The following CACNA1S variants were observed in gnomAD, a reference collection of about 807,000 sequenced individuals.
The protein encoded by CACNA1S is voltage-dependent L-type calcium channel subunit alpha-1S.
A neutral mutation model predicts 207.4 loss-of-function variants in CACNA1S; 126 were observed. The ratio of observed to expected loss-of-function variants is 0.61; its 90% CI spans 0.53 to 0.70. The LOEUF (loss-of-function observed/expected upper bound fraction) is 0.70, where lower values mean the gene tolerates loss of function less well. Ranked by LOEUF, CACNA1S falls within the 30% of genes least tolerant of loss-of-function variation. CACNA1S has a pLI of 0.00. For missense variants in CACNA1S, 2,349 were observed against 2,422.8 expected (o/e 0.97, Z 0.64); for synonymous variants, 960 against 932.7 (o/e 1.03, Z -0.53).
At chr1:201,094,677 C>A (rs971936426) in intron 2 of CACNA1S, among the ~76,000 whole-genome samples, 2 of 152,094 alleles carry the variant, frequency 1.3e-5, no homozygotes, top group East Asian at 3.9e-4. Flanking sequence ...CCTGCCCGTC[C>A]CACCTGCCCT....
In CACNA1S at chr1:201,066,497, CCCCTGCTATCTGGA is replaced by C. The variant is rs1343651400; in HGVS notation, c.2658-195_2658-182del. 2.0e-5 allele frequency among the ~76,000 whole-genome samples: 3 copies of C among 152,182 alleles called. No homozygotes were observed. The highest frequency in any genetic ancestry group is 4.4e-5 in the Non-Finnish European group (3 of 68,032). ...TGTGCCCGACTCCAGGGCACAGCCACCCCTGCTATCTGGACCATGCTCTCATGGGTGTGTCATGA... is the reference window on the plus strand; with the variant it reads ...TGTGCCCGACTCCAGGGCACAGCCACCCATGCTCTCATGGGTGTGTCATGA... On this transcript the variant is annotated intron_variant, in intron 20 of 43. Transcript: ENST00000362061. The surrounding 1 kb of genome is among the most constrained non-coding windows in gnomAD (Gnocchi z 4.3).
chr1:201,068,160 G>A (rs948164719), intron 19 of CACNA1S, among the ~76,000 whole-genome samples: 3 of 151,196 alleles, frequency 2.0e-5, no homozygotes, highest in African/African-American at 7.3e-5. Flanking sequence ...GACTCTTGGA[G>A]GAAAAGGCCT....
Position 201,065,953 on chromosome 1 carries a change from C to T in CACNA1S, c.2746-8G>A, listed in dbSNP as rs1572039133. 1 of 1,595,322 alleles carries T rather than the reference C, an allele frequency of 6.3e-7. No individual in the cohort carries two copies. On this transcript the variant is annotated splice_region_variant and splice_polypyrimidine_tract_variant and intron_variant, in intron 21 of 43. Coordinates refer to ENST00000362061, the MANE Select transcript of CACNA1S (RefSeq NM_000069.3). ...CATGCACTGCACCACGTGCTGGGGA[C>T]AGAGGGGCCAATGGGGACTGGGGGT...
chr1:201,094,325 A>T (rs893412611), intron 2 of CACNA1S, among the ~76,000 whole-genome samples: 2 of 152,154 alleles, frequency 1.3e-5, no homozygotes, highest in Non-Finnish European at 2.9e-5. Flanking sequence ...TGGTCTTCTT[A>T]GCACTTATCC....
chr1:201,061,143 T>TTGGCATCAAA (rs1400605707), intron 25 of CACNA1S, 124 bp downstream of exon 25: 2 of 834,882 alleles, frequency 2.4e-6, no homozygotes, highest in Non-Finnish European at 4.0e-6. Context: ...AGGCTAGGGC[T>TTGGCATCAAA]TGGCATCAAA....
At chr1:201,052,392 C>T (rs190134977) in intron 32 of CACNA1S, among the ~76,000 whole-genome samples, 165 bp downstream of exon 32, 4 of 152,244 alleles carry the variant, frequency 2.6e-5, no homozygotes, top group South Asian at 2.1e-4. Context: ...AAGGCAGTGA[C>T]GGCAGAGCAT....
In CACNA1S at chr1:201,054,946, T is replaced by A. The variant is rs1362964781; in HGVS notation, c.3610-385A>T. On this transcript the variant is annotated intron_variant, in intron 28 of 43. Transcript: ENST00000362061. ...CGCATTGGAAGATGCCTGCTCATTG[T>A]AAATGGATTCACATCCATAGTGCCC... Among the ~76,000 whole-genome samples the A allele has an allele frequency of 2.0e-5, 3 of 152,302 alleles. No homozygotes were observed. The East Asian group carries it at 5.8e-4, about 29-fold the overall frequency.
In CACNA1S at chr1:201,077,105, G is replaced by C. The variant is rs940478189; in HGVS notation, c.1642C>G (p.Leu548Val). The C allele has an allele frequency of 1.2e-6, 2 of 1,614,176 alleles. No individual in the cohort carries two copies. Among genetic ancestry groups the C allele is most frequent in the South Asian group, 1.1e-5 (1 of 91,082 alleles). Residue 548 changes from leucine to valine, a missense_variant, in exon 12 of 44, where the codon CTG becomes GTG. Physicochemically the swap from Leu to Val is conservative, Grantham distance 32. Coordinates refer to ENST00000362061, the MANE Select transcript of CACNA1S (RefSeq NM_000069.3). The stretch of plus-strand genomic sequence containing the variant: ...ATGGAGTTGAGCAGGGATGCCACCA[G>C]GTTGCTCAGCGACGTCCAATATCTG... ...ITKYWTSLSN[L>V]VASLLNSIRS...
At chr1:201,075,459 T>G in intron 13 of CACNA1S, 36 bp downstream of exon 13, 346 of 855,658 alleles carry the variant, frequency 4.0e-4, no homozygotes, top group Non-Finnish European at 5.2e-4. Flanking sequence ...ACCCCCTCCC[T>G]AAGCTCTTTT....
chr1:201,091,829 C>A, intron 4 of CACNA1S, 37 bp from the exon 5 acceptor site: 7 of 1,602,554 alleles, frequency 4.4e-6, no homozygotes, highest in Non-Finnish European at 5.1e-6. Flanking sequence ...AGAGGAGTCG[C>A]CTCTGCTTGG....
At chr1:201,104,767 A>G (rs555505323) in intron 2 of CACNA1S, among the ~76,000 whole-genome samples, 2 of 152,320 alleles carry the variant, frequency 1.3e-5, no homozygotes, top group African/African-American at 4.8e-5. Flanking sequence ...CTGCCCAACA[A>G]TTAGGAAGTC....
At chr1:201,068,278 C>CTT (rs369793339) in intron 19 of CACNA1S, among the ~76,000 whole-genome samples, 7,956 of 116,430 alleles carry the variant, frequency 0.068, 535 homozygotes, top group African/African-American at 0.17. Flanking sequence ...GAGTCTCTCT[C>CTT]GTCACCCAGG....
At chr1:201,087,010 T>A (rs1662057856) in intron 7 of CACNA1S, among the ~76,000 whole-genome samples, 1 of 152,206 alleles carries the variant, frequency 6.6e-6, no homozygotes, top group Non-Finnish European at 1.5e-5. Context: ...ATCTATAGAC[T>A]GCCTGGAAGG....
In CACNA1S at chr1:201,087,910, T is replaced by C. The variant is rs1165541181; in HGVS notation, c.920A>G (p.Asn307Ser). ...GACAAAATAGATCCAGGGCCACTCATTCCCGATGGCATCATTGACCTGGTC... is the reference window on the plus strand; with the variant it reads ...GACAAAATAGATCCAGGGCCACTCACTCCCGATGGCATCATTGACCTGGTC... Reference protein sequence around the residue: ...VLYWVNDAIGNEWPWIYFVTL... With the variant: ...VLYWVNDAIGSEWPWIYFVTL... The change falls in exon 7 of 44, where the codon AAT (asparagine) becomes AGT (serine). Residue 307 changes from asparagine to serine, a missense_variant. Coordinates refer to ENST00000362061, the MANE Select transcript of CACNA1S (RefSeq NM_000069.3). 6 of 1,612,508 alleles carry C rather than the reference T, an allele frequency of 3.7e-6. No homozygotes were observed. Among genetic ancestry groups the C allele is most frequent in the Non-Finnish European group, 5.1e-6 (6 of 1,178,844 alleles).
At chr1:201,056,395 C>T (rs750765261) in intron 28 of CACNA1S, among the ~76,000 whole-genome samples, 2 of 152,224 alleles carry the variant, frequency 1.3e-5, no homozygotes, top group Non-Finnish European at 2.9e-5. Flanking sequence ...CCTTCCACCC[C>T]TATACCCAAC....
intron 5 of CACNA1S, 38 bp downstream of exon 5, chr1:201,091,602 G>A: frequency 6.2e-7 from 1 of 1,613,374 alleles, no homozygotes; most frequent in African/African-American, 1.3e-5. Flanking sequence ...AGCCATCCTA[G>A]GCCCTGCCCC....
chr1:201,044,986 C>T (rs1660427385), intron 38 of CACNA1S, among the ~76,000 whole-genome samples: 1 of 152,230 alleles, frequency 6.6e-6, no homozygotes, highest in African/African-American at 2.4e-5. Flanking sequence ...ATTGAGTCAT[C>T]TCTTGACCCC....
chr1:201,069,753 G>A, intron 17 of CACNA1S, 152 bp from the exon 18 acceptor site: 1 of 939,712 alleles, frequency 1.1e-6, no homozygotes, highest in Admixed American at 2.3e-5. Context: ...GGGTCCTCTG[G>A]CTGGACACAC....
chr1:201,043,361 C>T lies in CACNA1S; in HGVS notation c.4968G>A (p.Leu1656=). Residue 1656 remains leucine (L), a synonymous_variant, in exon 40 of 44, where the codon CTG becomes CTA. Transcript: ENST00000362061. ...DFPQDPRTNP[L]ARANTNNANA... Reference sequence around the variant, plus strand: ...TGGCATTGTTGGTATTGGCACGAGCCAGGGGGTTGGTGCGTGGATCTTGTG... The same window carrying T: ...TGGCATTGTTGGTATTGGCACGAGCTAGGGGGTTGGTGCGTGGATCTTGTG... 6.2e-7 allele frequency: 1 copy of T among 1,614,154 alleles called. No individual in the cohort carries two copies.
Sources: gnomAD v4.1 joint callset for allele counts (sites outside exome capture counted in the v4.1 genomes callset) on GRCh38, gnomAD v4.1.1 for gene constraint, Gnocchi (gnomAD v3.1) non-coding constraint, MANE v1.5 for transcripts, NCBI Gene and HGNC (gene_info 2026-07-23, HGNC 2026-07-21) for gene names.